COL15A1: variants seen among roughly 807,000 people sequenced by gnomAD.
COL15A1 encodes collagen alpha-1(XV) chain.
COL15A1 carries 111 observed loss-of-function variants against 165.9 expected under a neutral mutation model. The observed-to-expected ratio is 0.67, with a 90% CI of 0.57 to 0.78. The LOEUF (loss-of-function observed/expected upper bound fraction) is 0.78, where lower values mean the gene tolerates loss of function less well. Among genes scored for constraint, COL15A1 ranks in the 30% least tolerant of loss-of-function variants. The pLI, the probability that COL15A1 is intolerant of heterozygous loss-of-function variation, is 0.00. For missense variants in COL15A1, 1,745 were observed against 1,789.7 expected (o/e 0.98, Z 0.45); for synonymous variants, 659 against 674.8 (o/e 0.98, Z 0.36).
chr9:99,027,347 C>T (rs1006533906), intron 16 of COL15A1, among the ~76,000 whole-genome samples: 1 of 152,184 alleles, frequency 6.6e-6, no homozygotes, highest in East Asian at 1.9e-4. Flanking sequence ...TTTCTAGTTT[C>T]CGTCAGCTCT....
chr9:98,967,646 A>G (rs1202399497), intron 2 of COL15A1, among the ~76,000 whole-genome samples: 2 of 152,002 alleles, frequency 1.3e-5, no homozygotes, highest in African/African-American at 2.4e-5. Flanking sequence ...TGTCTCTACC[A>G]TCTAGTACTG....
chr9:99,065,742 T>C, intron 39 of COL15A1, among the ~76,000 whole-genome samples: 1 of 149,158 alleles, frequency 6.7e-6, no homozygotes, highest in East Asian at 2.0e-4. Flanking sequence ...AGCCTTGGGG[T>C]CTGTCCTCTG....
In COL15A1 at chr9:99,054,591, A is replaced by G. The variant is rs35642150; in HGVS notation, c.2966A>G (p.Lys989Arg). 3,351 of 1,612,120 alleles carry G rather than the reference A, an allele frequency of 2.1e-3. 52 individuals carry two copies. In the African/African-American group the frequency reaches 0.039, roughly 19 times the overall value. ...LITFHGVKGE[K>R]GSWGLPGSKG... ...TTGGTGGCAGGTGTTAAAGGAGAGA[A>G]AGGATCCTGGGGTCTTCCTGGCTCA... Residue 989 changes from lysine to arginine, a missense_variant, in exon 32 of 42, where the codon AAA (lysine) becomes AGA (arginine). Lys to Arg is a conservative substitution (Grantham distance 26, BLOSUM62 2). Coordinates refer to ENST00000375001, the MANE Select transcript of COL15A1 (RefSeq NM_001855.5).
Position 98,954,289 on chromosome 9 carries a change from G to A in COL15A1, c.100+10039G>A, listed in dbSNP as rs535084502. On this transcript the variant is annotated intron_variant, in intron 2 of 41. Coordinates refer to ENST00000375001, the MANE Select transcript of COL15A1 (RefSeq NM_001855.5). ...TTATAAAAACTAGGGCCAAAAAGAG[G>A]AGTTTAAAAAGATCACATATTATCT... Among the ~76,000 whole-genome samples the A allele has an allele frequency of 2.0e-5, 3 of 152,204 alleles. No homozygotes were observed. In the South Asian group the frequency reaches 6.2e-4, roughly 32 times the overall value.
At chr9:98,955,499 G>A (rs1837761510) in intron 2 of COL15A1, among the ~76,000 whole-genome samples, 1 of 151,466 alleles carries the variant, frequency 6.6e-6, no homozygotes, top group African/African-American at 2.4e-5. Context: ...TGGGACTGTG[G>A]AGATCTTAGT....
chr9:99,037,852 A>G (rs1405824049), intron 21 of COL15A1, among the ~76,000 whole-genome samples: 1 of 152,202 alleles, frequency 6.6e-6, no homozygotes, highest in Non-Finnish European at 1.5e-5. Flanking sequence ...GCCCTGAGCC[A>G]AAGCAGAGGG....
At chr9:98,997,859 C>T (rs1007315123) in intron 6 of COL15A1, 9 of 152,336 alleles carry the variant, frequency 5.9e-5, no homozygotes, top group Admixed American at 1.3e-4. Flanking sequence ...TCAGAGGGGC[C>T]GTCACTTCAG....
intron 39 of COL15A1, among the ~76,000 whole-genome samples, chr9:99,064,217 T>C (rs1297878560): frequency 6.6e-6 from 1 of 152,194 alleles, no homozygotes; most frequent in Non-Finnish European, 1.5e-5. Context: ...CTGACCCCAG[T>C]ACTACTGACT....
At chr9:99,035,532 C>A in intron 19 of COL15A1, 114 bp downstream of exon 19, 1 of 1,267,908 alleles carries the variant, frequency 7.9e-7, no homozygotes, top group Non-Finnish European at 1.1e-6. Context: ...CTTCTCTGTG[C>A]CTCCAGCCCC....
intron 9 of COL15A1, among the ~76,000 whole-genome samples, chr9:99,015,106 A>AT (rs773453548): frequency 1.0e-4 from 15 of 150,320 alleles, no homozygotes; most frequent in Non-Finnish European, 1.5e-4. Context: ...TCCCAGCTTG[A>AT]TTTTTTTTTC....
chr9:99,020,796 T>C (rs1460682026), intron 12 of COL15A1, among the ~76,000 whole-genome samples: 1 of 152,200 alleles, frequency 6.6e-6, no homozygotes, highest in East Asian at 1.9e-4. Context: ...TGCCCCTGAT[T>C]TTCTTCCTGG....
At chr9:98,964,831 G>A (rs1236825697) in intron 2 of COL15A1, among the ~76,000 whole-genome samples, 1 of 152,178 alleles carries the variant, frequency 6.6e-6, no homozygotes, top group Non-Finnish European at 1.5e-5. Context: ...GGTATTTTCT[G>A]AGGTTCTTCC....
Position 98,987,299 on chromosome 9 carries a change from C to T in COL15A1, c.654C>T (p.Ser218=), listed in dbSNP as rs80261930. The stretch of plus-strand genomic sequence containing the variant: ...GATCCGTCTCTTTTCCCCAGGGCTC[C>T]CTCCAGCAGCTCACCGTGCACCCCG... ...GATGLERFTG[S]LQQLTVHPDP... The change falls in exon 4 of 42, where the codon TCC becomes TCT. Residue 218 remains serine (S), a synonymous_variant. Coordinates refer to ENST00000375001, the MANE Select transcript of COL15A1 (RefSeq NM_001855.5). 15,430 of 1,613,260 alleles carry T rather than the reference C, an allele frequency of 9.6e-3. 103 individuals carry two copies. Among genetic ancestry groups the T allele is most frequent in the Non-Finnish European group, 0.011 (12,479 of 1,179,628 alleles).
At chr9:98,964,606 A>G (rs763828406) in intron 2 of COL15A1, among the ~76,000 whole-genome samples, 95 of 152,206 alleles carry the variant, frequency 6.2e-4, no homozygotes, top group Non-Finnish European at 5.7e-4. Context: ...TGTGAACCAC[A>G]GGTCCCCACC....
intron 24 of COL15A1, among the ~76,000 whole-genome samples, chr9:99,042,467 A>G (rs1301196278): frequency 6.6e-6 from 1 of 152,126 alleles, no homozygotes; most frequent in African/African-American, 2.4e-5. Context: ...AACTCAACTC[A>G]ACACTCCTTT....
At chr9:98,997,173 C>A in intron 6 of COL15A1, 92 bp downstream of exon 6, 2 of 1,463,330 alleles carry the variant, frequency 1.4e-6, no homozygotes, top group South Asian at 1.2e-5. Context: ...TACAGAATCT[C>A]ATTTAACCTT....
At chr9:98,995,641 C>T (rs1838529973) in intron 5 of COL15A1, among the ~76,000 whole-genome samples, 2 of 152,186 alleles carry the variant, frequency 1.3e-5, no homozygotes, top group Non-Finnish European at 2.9e-5. Flanking sequence ...AAACCCTGCT[C>T]ATTCTCCAAG....
chr9:99,052,390 T>C lies in COL15A1; in HGVS notation c.2907T>C (p.Val969=). 2 of 1,612,146 alleles carry C rather than the reference T, an allele frequency of 1.2e-6. No individual in the cohort carries two copies. Among genetic ancestry groups the C allele is most frequent in the Non-Finnish European group, 1.7e-6 (2 of 1,178,160 alleles). ...ACCTGGCCTTCCTCTCTTTCCAGGTTGATACTGCTCATCCTGGGAGTCCAG... is the reference window on the plus strand; with the variant it reads ...ACCTGGCCTTCCTCTCTTTCCAGGTCGATACTGCTCATCCTGGGAGTCCAG... The part of the protein sequence containing the change: ...IPVRPHCKMP[V]DTAHPGSPEL... Residue 969 remains valine, a splice_region_variant and synonymous_variant, in exon 31 of 42, where the codon GTT becomes GTC. Transcript: ENST00000375001.
Position 98,986,045 on chromosome 9 carries a change from T to C in COL15A1, c.581T>C (p.Leu194Ser), listed in dbSNP as rs1451795279. ...RIPFQRSSQA[L>S]AFESSAGIFM... ...CCCTTCCAGCGGTCCTCCCAGGCTT[T>C]GGCTTTTGAGTCCAGCGCTGGAATC... The change falls in exon 3 of 42, where the codon TTG becomes TCG. Residue 194 changes from leucine to serine, a missense_variant. Coordinates refer to ENST00000375001, the MANE Select transcript of COL15A1 (RefSeq NM_001855.5). 1.9e-6 allele frequency: 3 copies of C among 1,613,952 alleles called. No individual in the cohort carries two copies. Among genetic ancestry groups the C allele is most frequent in the Non-Finnish European group, 2.5e-6 (3 of 1,180,024 alleles).
Sources: gnomAD v4.1 joint callset for allele counts (sites outside exome capture counted in the v4.1 genomes callset) on GRCh38, gnomAD v4.1.1 for gene constraint, MANE v1.5 for transcripts, NCBI Gene and HGNC (gene_info 2026-07-23, HGNC 2026-07-21) for gene names.